TMEM245: variants seen among roughly 807,000 people sequenced by gnomAD.
TMEM245 encodes transmembrane protein 245.
Under a neutral mutation model 101.2 loss-of-function variants are expected in TMEM245, and 69 were observed. That is an observed-to-expected ratio of 0.68 (90% CI 0.56 to 0.83). The LOEUF is 0.83. TMEM245 is among the 40% of genes least tolerant of loss of function. The probability of loss-of-function intolerance (pLI) is 0.00; values close to 1 mark genes in which losing one functional copy is unlikely to be tolerated. For synonymous variants in TMEM245, 537 were observed against 449.8 expected (o/e 1.19, Z -2.45); for missense variants, 1,075 against 1,092.8 (o/e 0.98, Z 0.23).
Position 109,036,387 on chromosome 9 carries a change from A to G in TMEM245, c.2225-7T>C. 6.4e-7 allele frequency: 1 copy of G among 1,569,180 alleles called. No individual in the cohort carries two copies. Among genetic ancestry groups the G allele is most frequent in the Non-Finnish European group, 8.6e-7 (1 of 1,163,748 alleles). ...CCAAGGATTGCTGCTAATGCTGAAA[A>G]AAGAGTAAAAGAAAAACAACTTAAC... is the stretch of plus-strand genomic sequence containing the variant. On this transcript the variant is annotated splice_polypyrimidine_tract_variant and splice_region_variant and intron_variant, in intron 15 of 17. Coordinates refer to ENST00000374586, the MANE Select transcript of TMEM245 (RefSeq NM_032012.4).
intron 8 of TMEM245, among the ~76,000 whole-genome samples, chr9:109,073,658 A>T (rs1829401180): frequency 6.6e-6 from 1 of 152,242 alleles, no homozygotes; most frequent in African/African-American, 2.4e-5. Context: ...CCTGTTCAAC[A>T]CATTACTTAA....
chr9:109,050,376 T>C lies in TMEM245; in HGVS notation c.2030A>G (p.Tyr677Cys). Residue 677 changes from tyrosine to cysteine, a missense_variant, in exon 14 of 18, where the codon TAC becomes TGC. Tyr to Cys is a radical substitution (Grantham distance 194). Coordinates refer to ENST00000374586, the MANE Select transcript of TMEM245 (RefSeq NM_032012.4). ...GCTTATCACCCACTTCACTGGCTTG[T>C]AGTACTCATCACTGGAACTTAATAG... ...FYLLSSSDEYYKPVKWVISLT... is the reference protein window; with the variant it reads ...FYLLSSSDEYCKPVKWVISLT... The C allele has an allele frequency of 1.2e-6, 2 of 1,614,124 alleles. No homozygotes were observed. The highest frequency in any genetic ancestry group is 1.7e-6 in the Non-Finnish European group (2 of 1,180,030).
Position 109,087,267 on chromosome 9 carries a change from C to G in TMEM245, c.1226G>C (p.Gly409Ala). ...CTCCTTCAGGAAGCTTTCTATAATG[C>G]CCCACCACACATGGTAGCGTTTCTC... ...FLEKRYHVWW[G>A]IIESFLKERQ... is the part of the protein sequence containing the mutation. Residue 409 changes from glycine (G) to alanine (A), a missense_variant, in exon 6 of 18, where the codon GGC (glycine) becomes GCC (alanine). Coordinates refer to ENST00000374586, the MANE Select transcript of TMEM245 (RefSeq NM_032012.4). 3 of 1,613,952 alleles carry G rather than the reference C, an allele frequency of 1.9e-6. No homozygotes were observed. Among genetic ancestry groups the G allele is most frequent in the Non-Finnish European group, 2.5e-6 (3 of 1,179,938 alleles).
Position 109,025,963 on chromosome 9 carries a change from G to A in TMEM245, c.2595-5458C>T, listed in dbSNP as rs149503711. On this transcript the variant is annotated intron_variant, in intron 17 of 17. Coordinates refer to ENST00000374586, the MANE Select transcript of TMEM245 (RefSeq NM_032012.4). ...GGCATTCATCTGTGTGAAGATAGTA[G>A]TCTAACAAGTTTTTTTGCAGTGTGG... Among the ~76,000 whole-genome samples the A allele has an allele frequency of 2.1e-4, 32 of 152,346 alleles. No individual in the cohort carries two copies. The East Asian group carries it at 3.9e-3, about 18-fold the overall frequency.
Position 109,087,308 on chromosome 9 carries a change from T to A in TMEM245, c.1185A>T (p.Gly395=). ...WILKKLVIHF[G]VVDFLEKRYH... The stretch of plus-strand genomic sequence containing the variant: ...AGCGTTTCTCTAGGAAATCCACAAC[T>A]CCAAAGTGAATGACAAGCTTTTTGA... Residue 395 remains glycine, a synonymous_variant, in exon 6 of 18, where the codon GGA becomes GGT. Transcript: ENST00000374586. 2 of 1,608,030 alleles carry A rather than the reference T, an allele frequency of 1.2e-6. No homozygotes were observed. The highest frequency in any genetic ancestry group is 1.7e-6 in the Non-Finnish European group (2 of 1,177,880).
chr9:109,111,777 T>C (rs1257045861), intron 1 of TMEM245, among the ~76,000 whole-genome samples: 1 of 152,200 alleles, frequency 6.6e-6, no homozygotes, highest in Non-Finnish European at 1.5e-5. Flanking sequence ...TATACAGTGC[T>C]ACAGTGTCAA....
chr9:109,069,004 T>C (rs1304825492), intron 9 of TMEM245, among the ~76,000 whole-genome samples: 1 of 152,196 alleles, frequency 6.6e-6, no homozygotes, highest in African/African-American at 2.4e-5. Flanking sequence ...CAGTGTATTA[T>C]AGCAATGCCA....
chr9:109,062,520 G>C (rs1267351406), intron 10 of TMEM245, among the ~76,000 whole-genome samples: 1 of 152,132 alleles, frequency 6.6e-6, no homozygotes, highest in African/African-American at 2.4e-5. Flanking sequence ...TCCCACGTTA[G>C]TTTACAACAT....
chr9:109,098,473 A>T (rs370242019), intron 3 of TMEM245, among the ~76,000 whole-genome samples: 4 of 152,010 alleles, frequency 2.6e-5, no homozygotes, highest in African/African-American at 9.7e-5. Context: ...TATCCAACAG[A>T]TCTGTATTTT....
intron 3 of TMEM245, among the ~76,000 whole-genome samples, chr9:109,096,171 T>C (rs1171928190): frequency 6.6e-6 from 1 of 152,176 alleles, no homozygotes; most frequent in African/African-American, 2.4e-5. Context: ...ATTTTTAGAC[T>C]TTCAGATAGA....
At chr9:109,084,531 T>G (rs2132538400) in intron 7 of TMEM245, among the ~76,000 whole-genome samples, 1 of 152,248 alleles carries the variant, frequency 6.6e-6, no homozygotes, top group East Asian at 1.9e-4. Context: ...AATTCTCCTT[T>G]CCCCCATCTC....
chr9:109,029,096 T>A (rs756787168), intron 17 of TMEM245, among the ~76,000 whole-genome samples: 1 of 150,488 alleles, frequency 6.6e-6, no homozygotes, highest in Non-Finnish European at 1.5e-5. Flanking sequence ...CTGAAAAAAA[T>A]GTGCAAGTAG....
At chr9:109,036,403 A>G (rs898208789) in intron 15 of TMEM245, 23 bp from the exon 16 acceptor site, 1 of 1,556,426 alleles carries the variant, frequency 6.4e-7, no homozygotes, top group South Asian at 1.2e-5. Flanking sequence ...TAAAAGAAAA[A>G]CAACTTAACA....
At chr9:109,100,303 C>T (rs1441915861) in intron 3 of TMEM245, among the ~76,000 whole-genome samples, 1 of 151,938 alleles carries the variant, frequency 6.6e-6, no homozygotes, top group Admixed American at 6.6e-5. Context: ...GGGTCAAGAA[C>T]CTATGTTTAT....
intron 17 of TMEM245, among the ~76,000 whole-genome samples, chr9:109,025,935 A>G (rs1022428211): frequency 6.6e-6 from 1 of 152,218 alleles, no homozygotes; most frequent in African/African-American, 2.4e-5. Context: ...CTTAGGGAGA[A>G]TGGGCATTCA....
In TMEM245 at chr9:109,018,479, TG is replaced by T. The variant is rs886216919; in HGVS notation, c.*1980del. 16 of 152,184 alleles carry T rather than the reference TG, an allele frequency of 1.1e-4. No individual in the cohort carries two copies. Among genetic ancestry groups the T allele is most frequent in the African/African-American group, 3.4e-4 (14 of 41,442 alleles). The allele number at this position is 152,184 out of a possible 1,614,324, so 9.4% of individuals were successfully genotyped here. A position where few individuals can be genotyped will look rare whatever the true frequency, so the allele number is the denominator to read the frequency against. On this transcript the variant is annotated 3_prime_UTR_variant, in exon 18 of 18. Transcript: ENST00000374586. ...CTTAGTGACCAAATCTAATACTCAG[TG>T]GAATAGCTGATTATAATCGCTAAAA...
At chr9:109,038,170 A>ATTT in intron 14 of TMEM245, 53 bp from the exon 15 acceptor site, 1 of 1,420,480 alleles carries the variant, frequency 7.0e-7, no homozygotes, top group Non-Finnish European at 9.6e-7. Context: ...TCATATCGTG[A>ATTT]TTCAGAAAAA....
intron 3 of TMEM245, among the ~76,000 whole-genome samples, chr9:109,105,917 C>A (rs1280662419): frequency 1.3e-5 from 2 of 152,182 alleles, no homozygotes; most frequent in Non-Finnish European, 2.9e-5. Context: ...GGACTACAGG[C>A]ACATGCCAAC....
At chr9:109,028,033 T>C (rs899787399) in intron 17 of TMEM245, among the ~76,000 whole-genome samples, 2 of 152,134 alleles carry the variant, frequency 1.3e-5, no homozygotes, top group Non-Finnish European at 2.9e-5. Context: ...ATACCTGATA[T>C]TGTGGTTCTG....
Sources: gnomAD v4.1 joint callset for allele counts (sites outside exome capture counted in the v4.1 genomes callset) on GRCh38, gnomAD v4.1.1 for gene constraint, MANE v1.5 for transcripts, NCBI Gene and HGNC (gene_info 2026-07-23, HGNC 2026-07-21) for gene names.